ADAM7: variants seen among roughly 807,000 people sequenced by gnomAD.
The protein encoded by ADAM7 is disintegrin and metalloproteinase domain-containing protein 7.
A neutral mutation model predicts 102.9 loss-of-function variants in ADAM7; 97 were observed. The ratio of observed to expected loss-of-function variants is 0.94; its 90% confidence interval spans 0.80 to 1.12. The LOEUF (loss-of-function observed/expected upper bound fraction) is 1.12, where lower values mean the gene tolerates loss of function less well. Among genes scored for constraint, ADAM7 ranks in the 50% most tolerant of loss-of-function variants. The pLI is 0.00. For synonymous variants in ADAM7, 334 were observed against 304.4 expected (o/e 1.10, Z -1.01); for missense variants, 991 against 908.7 (o/e 1.09, Z -1.16).
chr8:24,492,489 C>T lies in ADAM7; in HGVS notation c.1553-6C>T. 2 of 1,584,424 alleles carry T rather than the reference C, an allele frequency of 1.3e-6. No homozygotes were observed. Among genetic ancestry groups the T allele is most frequent in the Non-Finnish European group, 1.7e-6 (2 of 1,161,506 alleles). On this transcript the variant is annotated splice_region_variant and splice_polypyrimidine_tract_variant and intron_variant, in intron 14 of 21. Coordinates refer to ENST00000175238, the MANE Select transcript of ADAM7 (RefSeq NM_003817.4). Reference sequence around the variant, plus strand: ...TGTTTTACTTTTATACCATTTTTTACCCCAGAGGCAATAGAGAGTCATGAT... The same window carrying T: ...TGTTTTACTTTTATACCATTTTTTATCCCAGAGGCAATAGAGAGTCATGAT...
intron 20 of ADAM7, among the ~76,000 whole-genome samples, chr8:24,504,063 T>TAAAATAAAATAAAATAAAATA (rs368461387): frequency 3.0e-4 from 35 of 118,408 alleles, no homozygotes; most frequent in African/African-American, 9.9e-4. Flanking sequence ...TAAAATAAAA[T>TAAAATAAAATAAAATAAAATA]AAATAAAATA....
At chr8:24,494,502 G>A (rs557865864) in intron 16 of ADAM7, among the ~76,000 whole-genome samples, 54 of 151,830 alleles carry the variant, frequency 3.6e-4, no homozygotes, top group Admixed American at 3.1e-3. Context: ...TGAAGAAAGG[G>A]GCTGTTAGAA....
At chr8:24,493,471 C>T (rs1421050928) in intron 16 of ADAM7, among the ~76,000 whole-genome samples, 1 of 119,776 alleles carries the variant, frequency 8.3e-6, no homozygotes, top group Non-Finnish European at 1.7e-5. Context: ...AAACTTACAG[C>T]AGATATCTAA....
chr8:24,487,492 C>G (rs545988738), intron 11 of ADAM7, among the ~76,000 whole-genome samples, 175 bp downstream of exon 11: 9 of 151,884 alleles, frequency 5.9e-5, no homozygotes, highest in African/African-American at 1.9e-4. Context: ...ACTAAAAATA[C>G]AAAATTAGCC....
In ADAM7 at chr8:24,493,206, G is replaced by A. The variant is rs1242143825; in HGVS notation, c.1819G>A (p.Gly607Arg). Residue 607 changes from glycine to arginine, a missense_variant, in exon 16 of 22, where the codon GGA (glycine) becomes AGA (arginine). Physicochemically the swap from Gly to Arg is moderately radical, Grantham distance 125. Transcript: ENST00000175238. ...TACAGACATTGGCCTGGTGGCGTCA[G>A]GAACAAAATGTGGAGAGGGAATGGT... The part of the protein sequence containing the change: ...DSTDIGLVAS[G>R]TKCGEGMVCN... The A allele has an allele frequency of 1.6e-5, 25 of 1,605,482 alleles. No individual in the cohort carries two copies. Among genetic ancestry groups the A allele is most frequent in the Non-Finnish European group, 2.1e-5 (25 of 1,176,930 alleles).
Position 24,500,782 on chromosome 8 carries a change from T to G in ADAM7, c.2003-8T>G, listed in dbSNP as rs769639345. 7 of 1,608,328 alleles carry G rather than the reference T, an allele frequency of 4.4e-6. No individual in the cohort carries two copies. Among genetic ancestry groups the G allele is most frequent in the Non-Finnish European group, 6.0e-6 (7 of 1,175,290 alleles). On this transcript the variant is annotated splice_region_variant and splice_polypyrimidine_tract_variant and intron_variant, in intron 18 of 21. Transcript: ENST00000175238. ...CCTCGATGAAGCCCATGTTTCTTCA[T>G]GTTGCAGATATCACCATCTTGGTTG...
chr8:24,489,476 T>C (rs1316476653), intron 12 of ADAM7, 143 bp downstream of exon 12: 4 of 773,884 alleles, frequency 5.2e-6, no homozygotes, highest in Non-Finnish European at 5.8e-6. Context: ...ATTTTGATTT[T>C]ATAAAACAAA....
intron 16 of ADAM7, among the ~76,000 whole-genome samples, chr8:24,498,704 G>T (rs1820642886): frequency 6.6e-6 from 1 of 151,640 alleles, no homozygotes; most frequent in Non-Finnish European, 1.5e-5. Flanking sequence ...AGATGAGTAA[G>T]GATGAATCAC....
Position 24,480,297 on chromosome 8 carries a change from A to C in ADAM7, c.706-1845A>C, listed in dbSNP as rs187903182. ...ATTGGGAGGTTACATAGCACATTAT[A>C]AAACAAACAATTTAAGCTAACAAAG... On this transcript the variant is annotated intron_variant, in intron 8 of 21. Transcript: ENST00000175238. Among the ~76,000 whole-genome samples the C allele has an allele frequency of 3.3e-5, 5 of 152,290 alleles. No individual in the cohort carries two copies. The East Asian group carries it at 9.6e-4, about 29-fold the overall frequency.
chr8:24,489,641 T>C (rs1348249761), intron 12 of ADAM7, among the ~76,000 whole-genome samples: 3 of 152,162 alleles, frequency 2.0e-5, no homozygotes, highest in South Asian at 2.1e-4. Flanking sequence ...TGATGTCTCA[T>C]GCAGAGTCAG....
At chr8:24,499,121 A>G in intron 16 of ADAM7, 115 bp from the exon 17 acceptor site, 1 of 735,454 alleles carries the variant, frequency 1.4e-6, no homozygotes, top group Non-Finnish European at 2.1e-6. Flanking sequence ...GTAAATTGAA[A>G]TTTTTCATAT....
rs183178436 is a variant in ADAM7 at position 24,497,212 on chromosome 8, G to A, written c.1843-2024G>A. On this transcript the variant is annotated intron_variant, in intron 16 of 21. Coordinates refer to ENST00000175238, the MANE Select transcript of ADAM7 (RefSeq NM_003817.4). ...TCCTTGCTTTCTGCCAAGATTGTGAGACTTCCCCAGCCACGTGGAACTGTA... is the reference window on the plus strand; with the variant it reads ...TCCTTGCTTTCTGCCAAGATTGTGAAACTTCCCCAGCCACGTGGAACTGTA... Among the ~76,000 whole-genome samples, 18 of 152,254 alleles carry A rather than the reference G, an allele frequency of 1.2e-4. No individual in the cohort carries two copies. In the South Asian group the frequency reaches 1.7e-3, roughly 14 times the overall value.
chr8:24,465,770 T>A lies in ADAM7; in HGVS notation c.384T>A (p.Gly128=). 6.3e-7 allele frequency: 1 copy of A among 1,597,858 alleles called. No individual in the cohort carries two copies. The highest frequency in any genetic ancestry group is 2.2e-5 in the East Asian group (1 of 44,516). The part of the protein sequence containing the change: ...DSAASISTCN[G]LRGFFRINDQ... The stretch of plus-strand genomic sequence containing the variant: ...CTGCCAGTATCAGTACGTGTAATGG[T>A]CTAAGGTAATGCAGAATATCTTTCT... Residue 128 remains glycine, a synonymous_variant, in exon 5 of 22, where the codon GGT becomes GGA. Coordinates refer to ENST00000175238, the MANE Select transcript of ADAM7 (RefSeq NM_003817.4).
chr8:24,470,282 A>T (rs1819561632), intron 7 of ADAM7, among the ~76,000 whole-genome samples: 1 of 152,178 alleles, frequency 6.6e-6, no homozygotes. Context: ...AGGCAAGGAT[A>T]ATATATTCGG....
At chr8:24,502,733 T>C (rs982800481) in intron 20 of ADAM7, among the ~76,000 whole-genome samples, 1 of 152,132 alleles carries the variant, frequency 6.6e-6, no homozygotes, top group African/African-American at 2.4e-5. Flanking sequence ...AGTAAAAACC[T>C]TTCCACAAAC....
At chr8:24,453,890 G>T (rs922449576) in intron 3 of ADAM7, among the ~76,000 whole-genome samples, 2 of 152,188 alleles carry the variant, frequency 1.3e-5, no homozygotes, top group South Asian at 4.1e-4. Context: ...TCAGCTGCAG[G>T]TCTGTTGGTG....
chr8:24,466,954 G>T lies in ADAM7; in HGVS notation c.545G>T (p.Gly182Val). 4 of 1,613,868 alleles carry T rather than the reference G, an allele frequency of 2.5e-6. No homozygotes were observed. The highest frequency in any genetic ancestry group is 3.4e-6 in the Non-Finnish European group (4 of 1,179,928). ...ELNFTRKTVP[G>V]DNESEEDSKI... ...AATTTTACCAGAAAAACTGTTCCAG[G>T]GGATAATGAATCTGAAGAAGACTCC... The change falls in exon 6 of 22, where the codon GGG becomes GTG. Residue 182 changes from glycine to valine, a missense_variant. Transcript: ENST00000175238.
At chr8:24,502,461 G>A (rs1820795252) in intron 20 of ADAM7, among the ~76,000 whole-genome samples, 1 of 151,868 alleles carries the variant, frequency 6.6e-6, no homozygotes, top group East Asian at 1.9e-4. Context: ...AAATAACAGA[G>A]AAAATGTATT....
chr8:24,442,670 G>A (rs1248610191), intron 2 of ADAM7, 94 bp downstream of exon 2: 10 of 1,019,852 alleles, frequency 9.8e-6, no homozygotes, highest in Non-Finnish European at 1.4e-5. Flanking sequence ...AGGGAGAGAG[G>A]AGTTTCAATT....
Sources: allele counts gnomAD v4.1 joint callset (sites outside exome capture counted in the v4.1 genomes callset), GRCh38; gene constraint gnomAD v4.1.1; transcripts MANE v1.5; gene names NCBI Gene and HGNC (gene_info 2026-07-23, HGNC 2026-07-21).